Variants in CLVS1 observed in about 807,000 individuals in gnomAD.
The protein encoded by CLVS1 is clavesin 1, also known as clavesin-1.
Under a neutral mutation model 33.1 loss-of-function variants are expected in CLVS1, and 10 were observed. The observed-to-expected ratio is 0.30, with a 90% CI of 0.19 to 0.51. CLVS1 has a LOEUF of 0.51. Among genes scored for constraint, CLVS1 ranks in the 20% least tolerant of loss-of-function variants. CLVS1 has a pLI of 0.97. For synonymous variants in CLVS1, 163 were observed against 166.1 expected (o/e 0.98, Z 0.14); for missense variants, 343 against 433.4 (o/e 0.79, Z 1.85).
chr8:61,063,485 C>T (rs2129278423), intron 1 of CLVS1, among the ~76,000 whole-genome samples: 1 of 152,158 alleles, frequency 6.6e-6, no homozygotes, highest in African/African-American at 2.4e-5. Flanking sequence ...CTAGAAGCGA[C>T]ACAGGACAGG....
At chr8:61,248,936 T>G (rs529882440) in intron 2 of CLVS1, among the ~76,000 whole-genome samples, 56 of 152,272 alleles carry the variant, frequency 3.7e-4, no homozygotes, top group Admixed American at 3.7e-3. Flanking sequence ...TTTTTATACT[T>G]TAAGTTGTGA....
At chr8:61,329,458 T>A (rs1811512336) in intron 2 of CLVS1, among the ~76,000 whole-genome samples, 1 of 152,326 alleles carries the variant, frequency 6.6e-6, no homozygotes, top group Admixed American at 6.5e-5. Context: ...AGATCAGCAG[T>A]GTGACTACAG....
intron 2 of CLVS1, among the ~76,000 whole-genome samples, chr8:61,306,711 T>C (rs796236132): frequency 1.6e-4 from 25 of 152,350 alleles, no homozygotes; most frequent in African/African-American, 6.0e-4. Flanking sequence ...TTGTGTTTGT[T>C]GAGGAACCTC....
intron 1 of CLVS1, among the ~76,000 whole-genome samples, chr8:61,076,068 C>T (rs573243304): frequency 8.0e-4 from 122 of 152,230 alleles, no homozygotes; most frequent in African/African-American, 2.9e-3. Flanking sequence ...AGGTGTGTAA[C>T]CTGGCATGAC....
intron 3 of CLVS1, among the ~76,000 whole-genome samples, chr8:61,416,111 A>G (rs1321355541): frequency 2.6e-5 from 4 of 152,232 alleles, no homozygotes; most frequent in African/African-American, 9.6e-5. Flanking sequence ...ATGTGCTTAC[A>G]TGACAAGGTT....
chr8:61,483,965 G>A (rs1278037824), intron 5 of CLVS1, among the ~76,000 whole-genome samples: 1 of 152,130 alleles, frequency 6.6e-6, no homozygotes, highest in African/African-American at 2.4e-5. Flanking sequence ...AGCTATTTAT[G>A]AAAAACCCAC....
At chr8:61,468,542 C>T (rs1817631946) in intron 5 of CLVS1, among the ~76,000 whole-genome samples, 1 of 151,892 alleles carries the variant, frequency 6.6e-6, no homozygotes, top group African/African-American at 2.4e-5. Context: ...AAATGCTACT[C>T]CAGTGATTGA....
chr8:61,188,411 A>G (rs1807389614), intron 2 of CLVS1, among the ~76,000 whole-genome samples: 1 of 152,184 alleles, frequency 6.6e-6, no homozygotes. Flanking sequence ...CAAAAAAATC[A>G]GAACACATTA....
At chr8:61,357,571 T>A (rs1242281123) in intron 2 of CLVS1, among the ~76,000 whole-genome samples, 24 of 140,578 alleles carry the variant, frequency 1.7e-4, no homozygotes, top group Non-Finnish European at 6.1e-5. Flanking sequence ...AATGGTGCGA[T>A]CTCGGCTCAC....
intron 2 of CLVS1, among the ~76,000 whole-genome samples, chr8:61,179,770 A>C (rs1456695222): frequency 1.3e-5 from 2 of 152,230 alleles, no homozygotes; most frequent in Non-Finnish European, 2.9e-5. Context: ...TTAAGTTAGA[A>C]ATCAAGACGT....
intron 2 of CLVS1, among the ~76,000 whole-genome samples, chr8:61,173,801 A>G (rs1807057966): frequency 6.6e-6 from 1 of 152,234 alleles, no homozygotes; most frequent in Non-Finnish European, 1.5e-5. Flanking sequence ...CCCCTCAAGT[A>G]TTCAGCCGAA....
chr8:61,269,320 T>C (rs1323202671), intron 2 of CLVS1, among the ~76,000 whole-genome samples: 1 of 152,252 alleles, frequency 6.6e-6, no homozygotes, highest in Admixed American at 6.5e-5. Flanking sequence ...AAAGATCAGA[T>C]AGTTGTAGAT....
intron 3 of CLVS1, among the ~76,000 whole-genome samples, chr8:61,390,796 A>G (rs1187154481): frequency 6.6e-6 from 1 of 152,234 alleles, no homozygotes; most frequent in South Asian, 2.1e-4. Flanking sequence ...AAGGAAATTA[A>G]CATTTTATCT....
At chr8:61,082,916 A>G (rs1416562981) in intron 1 of CLVS1, among the ~76,000 whole-genome samples, 1 of 152,118 alleles carries the variant, frequency 6.6e-6, no homozygotes, top group African/African-American at 2.4e-5. Flanking sequence ...ACATGCCTGT[A>G]GTCTCAGCTA....
At chr8:61,383,090 G>A (rs765797678) in intron 3 of CLVS1, among the ~76,000 whole-genome samples, 4 of 152,152 alleles carry the variant, frequency 2.6e-5, no homozygotes, top group African/African-American at 4.8e-5. Context: ...TTGCCCCAGC[G>A]CTGTAATTTG....
At chr8:61,085,795 G>A (rs1474708153) in intron 1 of CLVS1, among the ~76,000 whole-genome samples, 4 of 151,206 alleles carry the variant, frequency 2.6e-5, no homozygotes, top group East Asian at 1.9e-4. Flanking sequence ...AGGCCGAGGC[G>A]GGCGGATCAC....
intron 5 of CLVS1, among the ~76,000 whole-genome samples, chr8:61,471,837 G>A (rs992791240): frequency 1.6e-4 from 24 of 152,206 alleles, no homozygotes; most frequent in African/African-American, 5.8e-4. Context: ...AATCTAAACT[G>A]TTATCCCTGT....
intron 1 of CLVS1, among the ~76,000 whole-genome samples, chr8:61,074,616 C>G (rs1236769250): frequency 6.6e-6 from 1 of 151,706 alleles, no homozygotes; most frequent in East Asian, 1.9e-4. Context: ...GATCTGTGAT[C>G]TGATCCTGAC....
At chr8:61,270,112 C>T (rs932781000) in intron 2 of CLVS1, among the ~76,000 whole-genome samples, 3 of 152,174 alleles carry the variant, frequency 2.0e-5, no homozygotes, top group African/African-American at 4.8e-5. Flanking sequence ...GGCAATGCTT[C>T]CAGTTTTTGC....
Sources: allele counts gnomAD v4.1 joint callset (sites outside exome capture counted in the v4.1 genomes callset), GRCh38; gene constraint gnomAD v4.1.1; transcripts MANE v1.5; gene names NCBI Gene and HGNC (gene_info 2026-07-23, HGNC 2026-07-21).